The following CNTNAP5 variants were observed in gnomAD, a reference collection of about 807,000 sequenced individuals.
CNTNAP5 encodes the protein contactin-associated protein-like 5.
CNTNAP5 carries 72 observed loss-of-function variants against 150.2 expected under a neutral mutation model. The observed-to-expected ratio is 0.48, with a 90% CI of 0.40 to 0.58. The LOEUF (loss-of-function observed/expected upper bound fraction) is 0.58, where lower values mean the gene tolerates loss of function less well. Among genes scored for constraint, CNTNAP5 ranks in the 20% least tolerant of loss-of-function variants. The pLI, the probability that CNTNAP5 is intolerant of heterozygous loss-of-function variation, is 0.00. For missense variants in CNTNAP5, 1,636 were observed against 1,626.2 expected, an observed-to-expected ratio of 1.01 and a Z score of -0.10; for synonymous variants, 672 against 619.8, an observed-to-expected ratio of 1.08 and a Z score of -1.25.
intron 1 of CNTNAP5, among the ~76,000 whole-genome samples, chr2:124,065,244 G>T (rs1350579818): frequency 2.6e-5 from 4 of 152,132 alleles, no homozygotes; most frequent in Admixed American, 6.6e-5. Flanking sequence ...CTGTTTTAGA[G>T]TTGAACAAAT....
chr2:124,110,500 A>T (rs944312101), intron 1 of CNTNAP5, among the ~76,000 whole-genome samples: 1 of 152,360 alleles, frequency 6.6e-6, no homozygotes, highest in East Asian at 1.9e-4. Flanking sequence ...ATCAAAATTA[A>T]TAATAATTAT....
chr2:124,188,127 G>C (rs1685374279), intron 1 of CNTNAP5, among the ~76,000 whole-genome samples: 1 of 152,156 alleles, frequency 6.6e-6, no homozygotes, highest in African/African-American at 2.4e-5. Flanking sequence ...TGGGAGCTGG[G>C]AGACCCTGTG....
chr2:124,588,177 CTTCTTTCT>C (rs746237108), intron 11 of CNTNAP5, among the ~76,000 whole-genome samples: 1,777 of 110,588 alleles, frequency 0.016, 28 homozygotes, highest in Non-Finnish European at 0.024. Flanking sequence ...TCCTTCCTTC[CTTCTTTCT>C]TTCTTTCTTT....
At chr2:124,818,119 G>T (rs971779628) in intron 19 of CNTNAP5, among the ~76,000 whole-genome samples, 4 of 152,140 alleles carry the variant, frequency 2.6e-5, no homozygotes, top group African/African-American at 9.7e-5. Context: ...CATGGAAGCT[G>T]AGGGATATGT....
intron 13 of CNTNAP5, among the ~76,000 whole-genome samples, chr2:124,666,328 GA>G (rs1354688331): frequency 6.6e-6 from 1 of 152,138 alleles, no homozygotes; most frequent in African/African-American, 2.4e-5. Context: ...GGAGTCAGCA[GA>G]AAAAAATATT....
chr2:124,907,672 A>G (rs1010097409), intron 22 of CNTNAP5, among the ~76,000 whole-genome samples: 3 of 150,620 alleles, frequency 2.0e-5, no homozygotes, highest in Non-Finnish European at 4.4e-5. Flanking sequence ...TGAGAGGGGG[A>G]TTAAAACTAA....
intron 13 of CNTNAP5, among the ~76,000 whole-genome samples, chr2:124,664,817 G>A (rs1426722245): frequency 6.6e-6 from 1 of 152,226 alleles, no homozygotes; most frequent in Non-Finnish European, 1.5e-5. Flanking sequence ...CTCCCGAGTA[G>A]CTGGGATTAC....
At chr2:124,860,840 T>C (rs772653693) in intron 19 of CNTNAP5, among the ~76,000 whole-genome samples, 1 of 151,964 alleles carries the variant, frequency 6.6e-6, no homozygotes, top group Non-Finnish European at 1.5e-5. Flanking sequence ...TTCTGAAGTA[T>C]GGGAGAGTCA....
intron 21 of CNTNAP5, among the ~76,000 whole-genome samples, chr2:124,883,658 G>A (rs552423658): frequency 6.0e-4 from 92 of 152,106 alleles, no homozygotes; most frequent in Middle Eastern, 3.4e-3. Context: ...GTATGTGTAC[G>A]CATATGTGTA....
chr2:124,571,424 GA>G (rs1440678207), intron 11 of CNTNAP5, among the ~76,000 whole-genome samples: 2 of 151,580 alleles, frequency 1.3e-5, no homozygotes, highest in Non-Finnish European at 2.9e-5. Flanking sequence ...AAGTACTACG[GA>G]AAGTGTAACC....
At chr2:124,748,145 A>G (rs988502815) in intron 14 of CNTNAP5, among the ~76,000 whole-genome samples, 2 of 152,092 alleles carry the variant, frequency 1.3e-5, no homozygotes, top group Non-Finnish European at 1.5e-5. Context: ...TTTGCTACCA[A>G]TAAACACATA....
chr2:124,396,181 A>G (rs1047616759), intron 3 of CNTNAP5, among the ~76,000 whole-genome samples: 2 of 152,222 alleles, frequency 1.3e-5, no homozygotes, highest in African/African-American at 4.8e-5. Context: ...CTTGATTCAA[A>G]CATTGTCAAC....
At chr2:124,184,079 G>A (rs1391799512) in intron 1 of CNTNAP5, among the ~76,000 whole-genome samples, 1 of 152,182 alleles carries the variant, frequency 6.6e-6, no homozygotes, top group Non-Finnish European at 1.5e-5. Context: ...TGCTGGTAGA[G>A]TATTGGGGAG....
intron 13 of CNTNAP5, among the ~76,000 whole-genome samples, chr2:124,669,498 C>T (rs548089504): frequency 6.6e-6 from 1 of 152,324 alleles, no homozygotes; most frequent in East Asian, 1.9e-4. Flanking sequence ...GGGCTCAGCC[C>T]AGGGCTCTCT....
chr2:124,206,144 T>G (rs768949305), intron 1 of CNTNAP5, among the ~76,000 whole-genome samples: 2 of 152,200 alleles, frequency 1.3e-5, no homozygotes, highest in Non-Finnish European at 2.9e-5. Flanking sequence ...GGATAGTAAC[T>G]AAGTGATTAA....
intron 19 of CNTNAP5, among the ~76,000 whole-genome samples, chr2:124,827,278 C>G (rs971714476): frequency 6.6e-6 from 1 of 152,096 alleles, no homozygotes; most frequent in African/African-American, 2.4e-5. Flanking sequence ...GCTTCCCCAC[C>G]ACATCCTGTG....
At chr2:124,292,421 A>G (rs1339516648) in intron 3 of CNTNAP5, among the ~76,000 whole-genome samples, 2 of 152,164 alleles carry the variant, frequency 1.3e-5, no homozygotes, top group Non-Finnish European at 2.9e-5. Context: ...TAAATGATGG[A>G]CACTCAGATA....
intron 21 of CNTNAP5, among the ~76,000 whole-genome samples, chr2:124,886,350 A>G (rs557951101): frequency 1.3e-5 from 2 of 152,094 alleles, no homozygotes; most frequent in Non-Finnish European, 2.9e-5. Context: ...CTCTGCACTC[A>G]TAGAGCACTG....
chr2:124,128,454 C>T (rs1227584100), intron 1 of CNTNAP5, among the ~76,000 whole-genome samples: 2 of 152,162 alleles, frequency 1.3e-5, no homozygotes, highest in African/African-American at 4.8e-5. Context: ...CACTTTTACA[C>T]TGTTGGTGGG....
Sources: allele counts gnomAD v4.1 joint callset (sites outside exome capture counted in the v4.1 genomes callset), GRCh38; gene constraint gnomAD v4.1.1; transcripts MANE v1.5; gene names NCBI Gene and HGNC (gene_info 2026-07-23, HGNC 2026-07-21).